Variants in RBMS3 observed in about 807,000 individuals in gnomAD.
RBMS3 encodes RNA-binding motif, single-stranded-interacting protein 3.
A neutral mutation model predicts 66.8 loss-of-function variants in RBMS3; 27 were observed. The observed-to-expected ratio is 0.40, with a 90% CI of 0.30 to 0.56. The LOEUF is 0.56. Ranked by LOEUF, RBMS3 falls within the 20% of genes least tolerant of loss-of-function variation. The pLI is 0.40. For missense variants in RBMS3, 513 were observed against 549.5 expected, an observed-to-expected ratio of 0.93 and a Z score of 0.66; for synonymous variants, 188 against 183.0, an observed-to-expected ratio of 1.03 and a Z score of -0.22.
At chr3:29,485,218 G>T (rs1037558342) in intron 2 of RBMS3, among the ~76,000 whole-genome samples, 3 of 152,106 alleles carry the variant, frequency 2.0e-5, no homozygotes, top group African/African-American at 7.2e-5. Context: ...AAAAGAACTG[G>T]CTATTTCTCT....
At chr3:29,504,145 C>T (rs997310670) in intron 3 of RBMS3, among the ~76,000 whole-genome samples, 1 of 152,074 alleles carries the variant, frequency 6.6e-6, no homozygotes, top group Non-Finnish European at 1.5e-5. Flanking sequence ...AGAGGAAATT[C>T]TTCCCTCTCA....
intron 10 of RBMS3, among the ~76,000 whole-genome samples, chr3:29,931,170 C>A (rs978272366): frequency 2.0e-5 from 3 of 151,978 alleles, no homozygotes; most frequent in African/African-American, 7.3e-5. Flanking sequence ...ATGAGTGGTA[C>A]TGATATATAA....
At chr3:29,479,517 C>A (rs1192754232) in intron 2 of RBMS3, among the ~76,000 whole-genome samples, 1 of 151,574 alleles carries the variant, frequency 6.6e-6, no homozygotes, top group Non-Finnish European at 1.5e-5. Context: ...AATCAACAGA[C>A]AACATATAAA....
At chr3:29,565,869 C>T (rs988282468) in intron 3 of RBMS3, among the ~76,000 whole-genome samples, 2 of 152,110 alleles carry the variant, frequency 1.3e-5, no homozygotes, top group African/African-American at 4.8e-5. Context: ...CACAAAAATA[C>T]AGTCAGGCCA....
intron 14 of RBMS3, among the ~76,000 whole-genome samples, chr3:29,999,356 G>T (rs1699460298): frequency 6.6e-6 from 1 of 152,186 alleles, no homozygotes; most frequent in Non-Finnish European, 1.5e-5. Flanking sequence ...TCAGTGTGGT[G>T]ATTCCTCAGG....
At chr3:29,465,395 C>T (rs188594884) in intron 2 of RBMS3, among the ~76,000 whole-genome samples, 91 of 148,634 alleles carry the variant, frequency 6.1e-4, no homozygotes, top group Non-Finnish European at 1.5e-5. Context: ...CACTGTAGCA[C>T]TTAAATAATT....
At chr3:29,434,155 C>T (rs1042132710) in intron 1 of RBMS3, among the ~76,000 whole-genome samples, 1 of 152,152 alleles carries the variant, frequency 6.6e-6, no homozygotes, top group African/African-American at 2.4e-5. Context: ...AAACAAGGAA[C>T]ATTCAATGTA....
At chr3:29,298,387 G>A (rs1025816637) in intron 1 of RBMS3, among the ~76,000 whole-genome samples, 1 of 151,850 alleles carries the variant, frequency 6.6e-6, no homozygotes, top group Admixed American at 6.6e-5. Context: ...AATAAAGAGT[G>A]TATGGTTTAA....
intron 2 of RBMS3, among the ~76,000 whole-genome samples, chr3:29,473,441 A>T (rs577009499): frequency 6.0e-4 from 92 of 152,362 alleles, no homozygotes; most frequent in African/African-American, 2.1e-3. Context: ...AGCTGGCTTC[A>T]CCCAGTGGAT....
chr3:29,307,023 T>A (rs1259866229), intron 1 of RBMS3, among the ~76,000 whole-genome samples: 2 of 151,926 alleles, frequency 1.3e-5, no homozygotes, highest in Non-Finnish European at 2.9e-5. Flanking sequence ...AAACACACAA[T>A]TAAAAGAAAA....
At chr3:29,491,795 C>A (rs1214890203) in intron 3 of RBMS3, among the ~76,000 whole-genome samples, 3 of 152,110 alleles carry the variant, frequency 2.0e-5, no homozygotes, top group African/African-American at 7.2e-5. Context: ...AGATCGAGAC[C>A]ATCCTGGCTA....
In RBMS3 at chr3:29,801,263, G is replaced by GCTTTTTTT. The variant is rs1559685809; in HGVS notation, c.637+38283_637+38290dup. Among the ~76,000 whole-genome samples the GCTTTTTTT allele has an allele frequency of 4.8e-5, 4 of 83,614 alleles. 1 individual carries two copies. The highest frequency in any genetic ancestry group is 5.6e-5 in the Non-Finnish European group (2 of 35,610). 54.9% of individuals were successfully genotyped at this position (83,614 alleles called of 152,430 possible). On this transcript the variant is annotated intron_variant, in intron 6 of 14. Coordinates refer to ENST00000383767, the MANE Select transcript of RBMS3 (RefSeq NM_001003793.3). ...CTAGTACCAAACTTGAAGAATCATTGCTTTTTTTCTTTTTTTTTTTTTGAG... is the reference window on the plus strand; with the variant it reads ...CTAGTACCAAACTTGAAGAATCATTGCTTTTTTTCTTTTTTTCTTTTTTTTTTTTTGAG...
At chr3:29,302,080 G>T (rs1026552953) in intron 1 of RBMS3, among the ~76,000 whole-genome samples, 1 of 151,982 alleles carries the variant, frequency 6.6e-6, no homozygotes, top group Non-Finnish European at 1.5e-5. Flanking sequence ...TATGGTCATG[G>T]CTCACTGCAG....
At chr3:29,744,119 T>G (rs550672963) in intron 5 of RBMS3, among the ~76,000 whole-genome samples, 1 of 152,108 alleles carries the variant, frequency 6.6e-6, no homozygotes, top group Admixed American at 6.6e-5. Flanking sequence ...TTTTTCCAGG[T>G]GGAGTTGATT....
chr3:29,943,810 C>A (rs1472535778), intron 11 of RBMS3, among the ~76,000 whole-genome samples: 1 of 151,690 alleles, frequency 6.6e-6, no homozygotes, highest in Non-Finnish European at 1.5e-5. Flanking sequence ...AATTTTAGTT[C>A]TTTCTTTTGT....
chr3:29,825,524 A>C (rs1262374916), intron 6 of RBMS3, among the ~76,000 whole-genome samples: 5 of 152,060 alleles, frequency 3.3e-5, no homozygotes, highest in African/African-American at 1.2e-4. Context: ...ATAGTGAATA[A>C]GTCTCACTAG....
intron 4 of RBMS3, among the ~76,000 whole-genome samples, chr3:29,630,954 T>A (rs1025977810): frequency 1.3e-5 from 2 of 151,916 alleles, no homozygotes. Flanking sequence ...TTCAAAACCA[T>A]AACTTCACTC....
At chr3:29,667,230 G>A (rs79998684) in intron 4 of RBMS3, among the ~76,000 whole-genome samples, 5,789 of 152,238 alleles carry the variant, frequency 0.038, 362 homozygotes, top group African/African-American at 0.13. Flanking sequence ...GCTACCTACT[G>A]TCAAGTTGAC....
intron 1 of RBMS3, among the ~76,000 whole-genome samples, chr3:29,376,860 G>A (rs967382841): frequency 5.9e-5 from 9 of 151,308 alleles, no homozygotes; most frequent in Admixed American, 5.3e-4. Flanking sequence ...AGCCGAGATC[G>A]TGCCACTGCA....
Sources: allele counts gnomAD v4.1 joint callset (sites outside exome capture counted in the v4.1 genomes callset), GRCh38; gene constraint gnomAD v4.1.1; transcripts MANE v1.5; gene names NCBI Gene and HGNC (gene_info 2026-07-23, HGNC 2026-07-21).